Variants in GREB1 observed in about 807,000 individuals in gnomAD.
GREB1 encodes growth regulating estrogen receptor binding 1, also known as protein GREB1.
Under a neutral mutation model 200.7 loss-of-function variants are expected in GREB1, and 106 were observed. The observed-to-expected ratio is 0.53, with a 90% CI of 0.45 to 0.62. The LOEUF is 0.62. Ranked by LOEUF, GREB1 falls within the 20% of genes least tolerant of loss-of-function variation. The pLI, the probability that GREB1 is intolerant of heterozygous loss-of-function variation, is 0.00. For missense variants in GREB1, 2,243 were observed against 2,556.8 expected, an observed-to-expected ratio of 0.88 and a Z score of 2.65; for synonymous variants, 1,132 against 1,092.4, an observed-to-expected ratio of 1.04 and a Z score of -0.72.
chr2:11,582,529 G>A (rs556726705), intron 7 of GREB1, among the ~76,000 whole-genome samples: 8 of 152,338 alleles, frequency 5.3e-5, no homozygotes, highest in South Asian at 2.1e-4. Context: ...AGTTCAGGGG[G>A]CACCTGCTCT....
chr2:11,495,025 T>C (rs956353546), intron 1 of GREB1, among the ~76,000 whole-genome samples: 6 of 152,240 alleles, frequency 3.9e-5, no homozygotes, highest in African/African-American at 1.4e-4. Context: ...TGTGTCATTC[T>C]GTGACGTTTT....
upstream of GREB1, among the ~76,000 whole-genome samples, chr2:11,531,208 A>T (rs1674060653): frequency 6.6e-6 from 1 of 152,052 alleles, no homozygotes; most frequent in African/African-American, 2.4e-5. Context: ...TTACTGTGGG[A>T]GTGTAGTTGC....
At chr2:11,639,135 G>A (rs1044558361) in intron 32 of GREB1, among the ~76,000 whole-genome samples, 3 of 152,150 alleles carry the variant, frequency 2.0e-5, no homozygotes, top group African/African-American at 7.2e-5. Flanking sequence ...TGTCACCTTG[G>A]CTGGAGTGCA....
At chr2:11,560,449 T>C (rs1676892112) in intron 2 of GREB1, among the ~76,000 whole-genome samples, 1 of 152,002 alleles carries the variant, frequency 6.6e-6, no homozygotes, top group Admixed American at 6.6e-5. Context: ...GCCTATAATC[T>C]CAGCACTTTG....
At chr2:11,572,284 C>A (rs1029223701) in intron 4 of GREB1, among the ~76,000 whole-genome samples, 12 of 152,124 alleles carry the variant, frequency 7.9e-5, no homozygotes, top group African/African-American at 2.7e-4. Context: ...TGGCTGTCAG[C>A]GAGATCTGCT....
intron 9 of GREB1, chr2:11,588,007 C>A: frequency 1.1e-6 from 1 of 882,468 alleles, no homozygotes; most frequent in Non-Finnish European, 1.4e-6. Context: ...GGGTAGATCA[C>A]TTTAGGTCAG....
chr2:11,599,697 T>C (rs1681608211), intron 15 of GREB1, among the ~76,000 whole-genome samples: 2 of 152,056 alleles, frequency 1.3e-5, no homozygotes, highest in Non-Finnish European at 2.9e-5. Context: ...ATTTTTTGTA[T>C]TTTTAGTAGA....
At chr2:11,518,032 G>A (rs1157714136) in intron 1 of GREB1, among the ~76,000 whole-genome samples, 1 of 152,154 alleles carries the variant, frequency 6.6e-6, no homozygotes, top group African/African-American at 2.4e-5. Flanking sequence ...CCTTGACTGT[G>A]GGCATTTTGC....
At chr2:11,536,969 T>A (rs182943221) in intron 1 of GREB1, among the ~76,000 whole-genome samples, 10 of 152,228 alleles carry the variant, frequency 6.6e-5, no homozygotes, top group South Asian at 2.1e-4. Flanking sequence ...TCTTTTTTTT[T>A]ATTTTTCTTT....
rs1296594061 is a variant in GREB1, at chr2:11,492,880, G to A, written c.-159+10499G>A. On this transcript the variant is annotated intron_variant, in intron 1 of 2. Coordinates refer to the GREB1 transcript ENST00000628795. The surrounding 1 kb of genome is among the most constrained non-coding windows in gnomAD (Gnocchi z 4.0). ...GCCCTAGGAAAATGGCTCCTTATCT[G>A]CTGGGGGCTGGTCACAGCTGGAGCA... 6.6e-6 allele frequency among the ~76,000 whole-genome samples: 1 copy of A among 152,184 alleles called. No individual in the cohort carries two copies. Among genetic ancestry groups the A allele is most frequent in the Non-Finnish European group, 1.5e-5 (1 of 68,034 alleles).
intron 32 of GREB1, among the ~76,000 whole-genome samples, chr2:11,639,530 G>A (rs1160255511): frequency 1.3e-5 from 2 of 152,190 alleles, no homozygotes; most frequent in Admixed American, 1.3e-4. Context: ...CCTCCTGTCT[G>A]CACCAGCTTG....
intron 4 of GREB1, among the ~76,000 whole-genome samples, chr2:11,570,401 TAAA>T (rs202175567): frequency 0.02 from 2,625 of 132,258 alleles, 52 homozygotes; most frequent in African/African-American, 0.056. Flanking sequence ...GAAACTCCAT[TAAA>T]AAAAAAAAAA....
Position 11,638,753 on chromosome 2 carries a change from A to G in GREB1, c.5630A>G (p.Tyr1877Cys). ...SDLLFSGLLLYLCDSFVGASF... is the reference protein window; with the variant it reads ...SDLLFSGLLLCLCDSFVGASF... ...TTGCTGTTCAGTGGGCTGCTGCTGT[A>G]CCTCTGTGACTCTTTTGTGGGAGCT... The change falls in exon 32 of 33, where the codon TAC (tyrosine) becomes TGC (cysteine). Residue 1877 changes from tyrosine (Y) to cysteine (C), a missense_variant. By Grantham distance (194) the Tyr-to-Cys change is radical. Transcript: ENST00000381486. 6.2e-7 allele frequency: 1 copy of G among 1,614,132 alleles called. No individual in the cohort carries two copies. The highest frequency in any genetic ancestry group is 8.5e-7 in the Non-Finnish European group (1 of 1,180,002).
chr2:11,626,911 A>G, intron 24 of GREB1, 51 bp from the exon 25 acceptor site: 1 of 1,598,296 alleles, frequency 6.3e-7, no homozygotes, highest in Non-Finnish European at 8.6e-7. Context: ...GGCAGGGGAT[A>G]ATGTTTGCTT....
chr2:11,533,376 C>T (rs57108153), upstream of GREB1, among the ~76,000 whole-genome samples: 1 of 152,152 alleles, frequency 6.6e-6, no homozygotes, highest in Non-Finnish European at 1.5e-5. Context: ...TTAATCCTCA[C>T]AAAGTCAGCT....
intron 4 of GREB1, 75 bp from the exon 5 acceptor site, chr2:11,576,278 G>A: frequency 8.1e-7 from 1 of 1,232,804 alleles, no homozygotes; most frequent in Non-Finnish European, 1.2e-6. Flanking sequence ...TTGCATTCCA[G>A]CCTAGATGAC....
chr2:11,544,743 C>T (rs1159988769), intron 1 of GREB1, among the ~76,000 whole-genome samples: 2 of 151,752 alleles, frequency 1.3e-5, no homozygotes, highest in African/African-American at 4.9e-5. Context: ...CTGTCCTGCC[C>T]CCCTGTTTGC....
chr2:11,535,200 C>T (rs1363660322), intron 1 of GREB1, among the ~76,000 whole-genome samples: 3 of 152,118 alleles, frequency 2.0e-5, no homozygotes, highest in East Asian at 1.9e-4. Context: ...ACTTGTCTGG[C>T]GTATCTGAGT....
At chr2:11,579,218 C>T (rs557454302) in intron 6 of GREB1, among the ~76,000 whole-genome samples, 2 of 152,320 alleles carry the variant, frequency 1.3e-5, no homozygotes, top group African/African-American at 4.8e-5. Context: ...CCTCCAGAGG[C>T]CCAGAGCTCC....
Sources: gnomAD v4.1 joint callset for allele counts (sites outside exome capture counted in the v4.1 genomes callset) on GRCh38, gnomAD v4.1.1 for gene constraint, Gnocchi (gnomAD v3.1) non-coding constraint, MANE v1.5 for transcripts, NCBI Gene and HGNC (gene_info 2026-07-23, HGNC 2026-07-21) for gene names.